Variants in CX3CR1 observed in about 807,000 individuals in gnomAD.
CX3CR1 encodes the protein CX3C chemokine receptor 1.
For missense variants in CX3CR1, 363 were observed against 432.4 expected (o/e 0.84, Z 1.42); for synonymous variants, 168 against 178.5 (o/e 0.94, Z 0.47).
At chr3:39,288,788 C>G in the CX3CR1 span, among the ~76,000 whole-genome samples, 2 of 152,250 alleles carry the variant, frequency 1.3e-5, no homozygotes, top group African/African-American at 2.4e-5. Flanking sequence ...TCCCACTCTC[C>G]TGGTTCAAAT....
upstream of CX3CR1, among the ~76,000 whole-genome samples, chr3:39,284,845 AGTGGGTG>A (rs2040933867): frequency 6.6e-6 from 1 of 152,166 alleles, no homozygotes; most frequent in African/African-American, 2.4e-5. Context: ...GAGCCAAAGC[AGTGGGTG>A]GTGGAAGACG....
At chr3:39,288,617 G>A in the CX3CR1 span, among the ~76,000 whole-genome samples, 1 of 152,226 alleles carries the variant, frequency 6.6e-6, no homozygotes, top group African/African-American at 2.4e-5. Context: ...TGGCTTCAGA[G>A]CTCCCCTCTG....
intron 1 of CX3CR1, among the ~76,000 whole-genome samples, chr3:39,279,124 C>T (rs1458083949): frequency 6.6e-6 from 1 of 151,992 alleles, no homozygotes; most frequent in East Asian, 1.9e-4. Flanking sequence ...TGCCATTGCA[C>T]TCCAGCTTAG....
At chr3:39,283,811 A>T (rs1297451095), upstream of CX3CR1, among the ~76,000 whole-genome samples, 4 of 62,456 alleles carry the variant, frequency 6.4e-5, no homozygotes, top group African/African-American at 3.1e-4. Context: ...ATATATATAT[A>T]TATATATATA....
chr3:39,283,894 C>T (rs1265984855), upstream of CX3CR1, among the ~76,000 whole-genome samples: 2 of 133,486 alleles, frequency 1.5e-5, no homozygotes, highest in East Asian at 2.6e-4. Context: ...CTAGTATTTA[C>T]AAGCACAACA....
At position 39,266,388 on chromosome 3, in the gene CX3CR1, A is replaced by G. The variant is rs763200213; in HGVS notation, c.122T>C (p.Ile41Thr). The change falls in exon 2 of 2, where the codon ATC becomes ACC. Residue 41 changes from isoleucine to threonine, a missense_variant. Ile to Thr is a moderately conservative substitution (Grantham distance 89). Coordinates refer to ENST00000399220, the MANE Select transcript of CX3CR1 (RefSeq NM_001337.4). ...TVFLSIFYSV[I>T]FAIGLVGNLL... is the part of the protein sequence containing the mutation. ...ATTTCCCACCAGGCCAATGGCAAAG[A>G]TGACGGAGTAGAATATGGACAGGAA... 2 of 1,614,228 alleles carry G rather than the reference A, an allele frequency of 1.2e-6. No individual in the cohort carries two copies. The highest frequency in any genetic ancestry group is 1.7e-6 in the Non-Finnish European group (2 of 1,180,038).
intron 1 of CX3CR1, among the ~76,000 whole-genome samples, chr3:39,269,682 G>C (rs530252353): frequency 1.2e-4 from 19 of 152,324 alleles, no homozygotes; most frequent in African/African-American, 3.6e-4. Context: ...CAGGGGGTCT[G>C]CTCAGTGAGG....
upstream of CX3CR1, among the ~76,000 whole-genome samples, chr3:39,283,795 T>A (rs909117022): frequency 3.7e-3 from 244 of 65,178 alleles, 3 homozygotes; most frequent in South Asian, 0.012. Flanking sequence ...AAAAAAAAAA[T>A]TATATATATA....
At chr3:39,291,837 C>T in the CX3CR1 span, among the ~76,000 whole-genome samples, 1 of 152,216 alleles carries the variant, frequency 6.6e-6, no homozygotes, top group Non-Finnish European at 1.5e-5. Flanking sequence ...TACCTACATG[C>T]AGTGTTTGGC....
chr3:39,270,529 G>C (rs2040763441), intron 1 of CX3CR1, among the ~76,000 whole-genome samples: 1 of 152,178 alleles, frequency 6.6e-6, no homozygotes, highest in Admixed American at 6.5e-5. Flanking sequence ...TGTATATTCT[G>C]TCATGCAACA....
intron 1 of CX3CR1, among the ~76,000 whole-genome samples, chr3:39,275,869 C>T (rs1426489868): frequency 1.3e-5 from 2 of 151,248 alleles, no homozygotes; most frequent in African/African-American, 4.9e-5. Flanking sequence ...AAGGATTGAA[C>T]CTCTATATCT....
intron 1 of CX3CR1, among the ~76,000 whole-genome samples, chr3:39,274,141 G>T (rs2040811230): frequency 6.6e-6 from 1 of 152,134 alleles, no homozygotes; most frequent in East Asian, 1.9e-4. Flanking sequence ...CCTTGTACTA[G>T]ATAGAAAGGT....
rs1329673993 is a variant in CX3CR1 at position 39,265,515 on chromosome 3, C to A, written c.995G>T (p.Ser332Ile). 1 of 1,614,124 alleles carries A rather than the reference C, an allele frequency of 6.2e-7. No individual in the cohort carries two copies. Among genetic ancestry groups the A allele is most frequent in the South Asian group, 1.1e-5 (1 of 91,084 alleles). ...GCTGCTCAGAACACTTCCATGCCTG[C>A]TCCTTTGTGATTCAGATGAGGAGAA... ...VDFSSSESQR[S>I]RHGSVLSSNF... The change falls in exon 2 of 2, where the codon AGC becomes ATC. Residue 332 changes from serine to isoleucine, a missense_variant. Coordinates refer to ENST00000399220, the MANE Select transcript of CX3CR1 (RefSeq NM_001337.4).
upstream of CX3CR1, chr3:39,281,381 C>A: frequency 1.3e-6 from 1 of 770,350 alleles, no homozygotes; most frequent in Non-Finnish European, 1.9e-6. Flanking sequence ...CTGCCTCAGC[C>A]CCTTCCTTGC....
intron 1 of CX3CR1, among the ~76,000 whole-genome samples, chr3:39,272,394 G>C (rs1370987044): frequency 6.6e-6 from 1 of 152,126 alleles, no homozygotes; most frequent in Non-Finnish European, 1.5e-5. Flanking sequence ...GCTGATCCTG[G>C]TCTACTTCCT....
chr3:39,284,177 G>GTT (rs755082571), upstream of CX3CR1, among the ~76,000 whole-genome samples: 1 of 149,512 alleles, frequency 6.7e-6, no homozygotes, highest in Non-Finnish European at 1.5e-5. Context: ...CATTGTCTAA[G>GTT]TTTTTTTTTT....
the CX3CR1 span, among the ~76,000 whole-genome samples, chr3:39,290,901 GA>G: frequency 1.3e-4 from 20 of 151,892 alleles, no homozygotes; most frequent in South Asian, 1.3e-3. Context: ...AGCCTGGGGG[GA>G]CACTGCGAGA....
intron 1 of CX3CR1, 118 bp from the exon 2 acceptor site, chr3:39,266,636 A>G (rs1242491194): frequency 1.1e-6 from 1 of 942,208 alleles, no homozygotes; most frequent in African/African-American, 1.6e-5. Context: ...GGTGCACACT[A>G]CATTTCCCAA....
At chr3:39,284,920 G>A (rs531715362), upstream of CX3CR1, among the ~76,000 whole-genome samples, 68 of 152,318 alleles carry the variant, frequency 4.5e-4, no homozygotes, top group African/African-American at 1.3e-3. Flanking sequence ...GACACGTTGA[G>A]GGTCAAGTGA....
Sources: gnomAD v4.1 joint callset for allele counts (sites outside exome capture counted in the v4.1 genomes callset) on GRCh38, gnomAD v4.1.1 for gene constraint, MANE v1.5 for transcripts, NCBI Gene and HGNC (gene_info 2026-07-23, HGNC 2026-07-21) for gene names.